SPATA6: variants seen among roughly 807,000 people sequenced by gnomAD.
The protein encoded by SPATA6 is spermatogenesis associated 6, also known as spermatogenesis-associated protein 6.
Under a neutral mutation model 65.3 loss-of-function variants are expected in SPATA6, and 56 were observed. The ratio of observed to expected loss-of-function variants is 0.86; its 90% CI spans 0.69 to 1.07. The LOEUF is 1.07. Ranked by LOEUF, SPATA6 falls within the 50% of genes least tolerant of loss-of-function variation. The probability of loss-of-function intolerance (pLI) is 0.00; values close to 1 mark genes in which losing one functional copy is unlikely to be tolerated. For missense variants in SPATA6, 590 were observed against 594.8 expected, an observed-to-expected ratio of 0.99 and a Z score of 0.08; for synonymous variants, 199 against 213.2, an observed-to-expected ratio of 0.93 and a Z score of 0.58.
the SPATA6 span, among the ~76,000 whole-genome samples, chr1:48,285,397 C>T: frequency 2.0e-5 from 3 of 151,376 alleles, no homozygotes; most frequent in Non-Finnish European, 4.4e-5. Flanking sequence ...AGCTAGACCA[C>T]TTGGCTCCCT....
chr1:48,381,021 A>G (rs900659691), intron 9 of SPATA6, among the ~76,000 whole-genome samples: 9 of 152,106 alleles, frequency 5.9e-5, no homozygotes, highest in African/African-American at 2.2e-4. Context: ...TTAGATTCTC[A>G]CAAGGAGCAC....
intron 9 of SPATA6, among the ~76,000 whole-genome samples, chr1:48,371,607 A>T (rs1490925202): frequency 6.6e-6 from 1 of 152,196 alleles, no homozygotes; most frequent in Non-Finnish European, 1.5e-5. Flanking sequence ...ATTATACAAA[A>T]CTGCCCAAGG....
intron 11 of SPATA6, among the ~76,000 whole-genome samples, chr1:48,307,466 C>G (rs1214645787): frequency 6.7e-6 from 1 of 149,842 alleles, no homozygotes; most frequent in East Asian, 2.0e-4. Context: ...GTAAGAGTCC[C>G]TGTATAGATT....
At chr1:48,367,700 G>A (rs942558029) in intron 9 of SPATA6, among the ~76,000 whole-genome samples, 108 of 152,248 alleles carry the variant, frequency 7.1e-4, no homozygotes, top group Non-Finnish European at 1.4e-3. Flanking sequence ...CTCTGCACAT[G>A]AGATGGGTCT....
chr1:48,414,232 T>C (rs1652548789), intron 3 of SPATA6, among the ~76,000 whole-genome samples: 2 of 152,204 alleles, frequency 1.3e-5, no homozygotes, highest in South Asian at 4.1e-4. Context: ...CCAGGAGTTC[T>C]ACTAGGTTCT....
At chr1:48,278,259 T>C in the SPATA6 span, among the ~76,000 whole-genome samples, 13 of 152,068 alleles carry the variant, frequency 8.5e-5, no homozygotes, top group South Asian at 2.5e-3. Context: ...AACTGGAAAC[T>C]CTAAAAAGCA....
At chr1:48,278,074 T>C in the SPATA6 span, among the ~76,000 whole-genome samples, 1 of 152,142 alleles carries the variant, frequency 6.6e-6, no homozygotes, top group African/African-American at 2.4e-5. Flanking sequence ...GCAAACAGCG[T>C]CTGGAGTGGA....
chr1:48,385,217 TA>T, intron 9 of SPATA6, 91 bp downstream of exon 9: 2 of 1,073,460 alleles, frequency 1.9e-6, no homozygotes, highest in Non-Finnish European at 2.5e-6. Flanking sequence ...ATGAATTTGA[TA>T]ATCCCTATCT....
chr1:48,459,196 C>T (rs1475370107), intron 1 of SPATA6, among the ~76,000 whole-genome samples: 2 of 117,916 alleles, frequency 1.7e-5, no homozygotes, highest in African/African-American at 7.1e-5. Context: ...CACTGCGAGA[C>T]TCCATATCAA....
intron 11 of SPATA6, among the ~76,000 whole-genome samples, chr1:48,323,903 A>G (rs1430906951): frequency 6.6e-6 from 1 of 152,168 alleles, no homozygotes; most frequent in Admixed American, 6.6e-5. Flanking sequence ...TGGATTCACT[A>G]AATAATTTTA....
chr1:48,370,316 T>C (rs148350681), intron 9 of SPATA6, among the ~76,000 whole-genome samples: 6 of 152,150 alleles, frequency 3.9e-5, no homozygotes, highest in Admixed American at 2.6e-4. Context: ...ATAAGGACCA[T>C]AGGACAGAAG....
intron 3 of SPATA6, among the ~76,000 whole-genome samples, chr1:48,446,618 A>T (rs1024519700): frequency 1.3e-5 from 2 of 152,234 alleles, no homozygotes; most frequent in African/African-American, 4.8e-5. Flanking sequence ...TCCACAGAAC[A>T]GGAAAGAAGA....
At chr1:48,440,220 C>G (rs532452256) in intron 3 of SPATA6, among the ~76,000 whole-genome samples, 1 of 152,080 alleles carries the variant, frequency 6.6e-6, no homozygotes, top group African/African-American at 2.4e-5. Context: ...TAATCTGGCC[C>G]AATCCGGGTA....
chr1:48,267,589 C>T, the SPATA6 span, among the ~76,000 whole-genome samples: 9 of 151,812 alleles, frequency 5.9e-5, no homozygotes, highest in Non-Finnish European at 8.8e-5. Context: ...CACTGCTGGC[C>T]AAATTCTGCG....
chr1:48,427,434 CA>C (rs760835892), intron 3 of SPATA6, among the ~76,000 whole-genome samples: 5,449 of 67,504 alleles, frequency 0.081, 64 homozygotes, highest in Middle Eastern at 0.14. Flanking sequence ...AAAATTGAGG[CA>C]AAAAAAAAAA....
chr1:48,395,305 C>G lies in SPATA6; in HGVS notation c.830G>C (p.Arg277Thr). ...TGACCATCCATCTCTTTCACAGTCTCTTCCAGAAGATCCCAATAAAGTATC... is the reference window on the plus strand; with the variant it reads ...TGACCATCCATCTCTTTCACAGTCTGTTCCAGAAGATCCCAATAAAGTATC... ...RADTLLGSSGRDCERDGWSRV... is the reference protein window; with the variant it reads ...RADTLLGSSGTDCERDGWSRV... Residue 277 changes from arginine to threonine, a missense_variant, in exon 8 of 13, where the codon AGA (arginine) becomes ACA (threonine). Arg to Thr is a moderately conservative substitution (Grantham distance 71). Coordinates refer to ENST00000371847, the MANE Select transcript of SPATA6 (RefSeq NM_019073.4). 6.4e-7 allele frequency: 1 copy of G among 1,570,890 alleles called. No homozygotes were observed. Among genetic ancestry groups the G allele is most frequent in the Non-Finnish European group, 8.6e-7 (1 of 1,156,098 alleles).
intron 3 of SPATA6, chr1:48,437,169 G>A: frequency 1.9e-6 from 3 of 1,610,554 alleles, no homozygotes; most frequent in Non-Finnish European, 1.7e-6. Flanking sequence ...TGTTACCTTG[G>A]ACTGAGCCAG....
chr1:48,429,517 A>T (rs1654207676), intron 3 of SPATA6, among the ~76,000 whole-genome samples: 2 of 152,182 alleles, frequency 1.3e-5, no homozygotes, highest in South Asian at 4.1e-4. Flanking sequence ...AAACTAGAGA[A>T]GACAAAAAAT....
In SPATA6 at chr1:48,296,330, A is replaced by T. The variant is rs934693130; in HGVS notation, c.*2383T>A. 3 of 152,200 alleles carry T rather than the reference A, an allele frequency of 2.0e-5. No homozygotes were observed. The highest frequency in any genetic ancestry group is 4.4e-5 in the Non-Finnish European group (3 of 68,028). The allele number at this position is 152,200 out of a possible 1,614,324, so 9.4% of individuals were successfully genotyped here. ...CTTTCCTCCTAGGGGATAGAAGATA[A>T]TCAGACACTTAGCAAAGATGCTATT... On this transcript the variant is annotated 3_prime_UTR_variant, in exon 13 of 13. Transcript: ENST00000371847.
Sources: allele counts gnomAD v4.1 joint callset (sites outside exome capture counted in the v4.1 genomes callset), GRCh38; gene constraint gnomAD v4.1.1; transcripts MANE v1.5; gene names NCBI Gene and HGNC (gene_info 2026-07-23, HGNC 2026-07-21).